PDE7B: variants seen among roughly 807,000 people sequenced by gnomAD.
PDE7B encodes the protein phosphodiesterase 7B, also known as 3',5'-cyclic-AMP phosphodiesterase 7B.
Under a neutral mutation model 56.2 loss-of-function variants are expected in PDE7B, and 29 were observed. The observed-to-expected ratio is 0.52, with a 90% CI of 0.38 to 0.70. PDE7B has a LOEUF of 0.70. Among genes scored for constraint, PDE7B ranks in the 30% least tolerant of loss-of-function variants. The pLI is 0.00. For missense variants in PDE7B, 490 were observed against 565.0 expected (o/e 0.87, Z 1.35); for synonymous variants, 197 against 196.9 (o/e 1.00, Z 0.00).
At position 136,191,556 on chromosome 6, in the gene PDE7B, G is replaced by A; in HGVS notation, c.1127-58G>A. ...GTGGGTCCCCAGTCATGCTCGGGAGGGAGTAAGGAGCGGGTTTCACCACGC... is the reference window on the plus strand; with the variant it reads ...GTGGGTCCCCAGTCATGCTCGGGAGAGAGTAAGGAGCGGGTTTCACCACGC... On this transcript the variant is annotated intron_variant, in intron 12 of 12. Coordinates refer to ENST00000308191, the MANE Select transcript of PDE7B (RefSeq NM_018945.4). 4 of 1,397,620 alleles carry A rather than the reference G, an allele frequency of 2.9e-6. No individual in the cohort carries two copies. In the East Asian group the frequency reaches 9.4e-5, roughly 33 times the overall value. The allele number at this position is 1,397,620 out of a possible 1,614,324, so 86.6% of individuals were successfully genotyped here.
intron 6 of PDE7B, among the ~76,000 whole-genome samples, chr6:136,152,118 AATCT>A (rs1778530654): frequency 6.6e-6 from 1 of 152,168 alleles, no homozygotes; most frequent in Non-Finnish European, 1.5e-5. Context: ...AGGCAGAAAG[AATCT>A]GAGTACAAGT....
rs201710217 is a variant in PDE7B at position 136,004,058 on chromosome 6, C to A, written c.82+56534C>A. 1.6e-3 allele frequency among the ~76,000 whole-genome samples: 243 copies of A among 152,128 alleles called. 1 individual carries two copies. In the East Asian group the frequency reaches 0.028, roughly 17 times the overall value. ...CAAGGCTGGTTCAATATACACAAATCAATAAATGTAATCCAGCATATAAAC... is the reference window on the plus strand; with the variant it reads ...CAAGGCTGGTTCAATATACACAAATAAATAAATGTAATCCAGCATATAAAC... On this transcript the variant is annotated intron_variant, in intron 2 of 12. Transcript: ENST00000308191.
intron 1 of PDE7B, among the ~76,000 whole-genome samples, chr6:135,863,541 G>T (rs1213802286): frequency 6.6e-6 from 1 of 152,036 alleles, no homozygotes; most frequent in Non-Finnish European, 1.5e-5. Context: ...TGACTGGGGG[G>T]AGTGTGATTA....
chr6:136,009,743 T>C (rs1775855245), intron 2 of PDE7B, among the ~76,000 whole-genome samples: 1 of 152,226 alleles, frequency 6.6e-6, no homozygotes, highest in Non-Finnish European at 1.5e-5. Context: ...GCTAAGACGA[T>C]GGGGTTTTCT....
intron 3 of PDE7B, chr6:136,112,713 G>A (rs1313716667): frequency 6.6e-6 from 1 of 151,962 alleles, no homozygotes; most frequent in Non-Finnish European, 1.5e-5. Flanking sequence ...TAAACAGAGA[G>A]GGAACCTCTG....
chr6:135,864,293 T>C (rs894841217), intron 1 of PDE7B, among the ~76,000 whole-genome samples: 1 of 152,154 alleles, frequency 6.6e-6, no homozygotes. Context: ...TGTAAATCTT[T>C]GAATAATTAT....
chr6:135,884,046 T>G (rs1775658363), intron 1 of PDE7B, among the ~76,000 whole-genome samples: 1 of 152,226 alleles, frequency 6.6e-6, no homozygotes, highest in Non-Finnish European at 1.5e-5. Flanking sequence ...TCATGTAAAA[T>G]AATCTCTGAA....
intron 3 of PDE7B, among the ~76,000 whole-genome samples, chr6:136,111,510 C>T (rs999805449): frequency 9.9e-5 from 15 of 152,190 alleles, no homozygotes; most frequent in Non-Finnish European, 1.6e-4. Context: ...TCGCCCTCCA[C>T]GGTTCCTAAC....
chr6:135,973,209 A>G (rs1775124378), intron 2 of PDE7B, among the ~76,000 whole-genome samples: 1 of 152,084 alleles, frequency 6.6e-6, no homozygotes, highest in Non-Finnish European at 1.5e-5. Context: ...TAGATACCGC[A>G]TATAAATGGA....
chr6:135,994,785 C>G (rs1380318230), intron 2 of PDE7B, among the ~76,000 whole-genome samples: 1 of 152,122 alleles, frequency 6.6e-6, no homozygotes, highest in Non-Finnish European at 1.5e-5. Flanking sequence ...ACGTATTAAA[C>G]AATTCGAGAA....
intron 2 of PDE7B, among the ~76,000 whole-genome samples, chr6:135,956,264 TATCTTAGCC>T (rs1280714755): frequency 2.0e-5 from 3 of 152,216 alleles, no homozygotes; most frequent in African/African-American, 7.2e-5. Context: ...GAGAGAATGG[TATCTTAGCC>T]ACCTTAGCCA....
intron 8 of PDE7B, among the ~76,000 whole-genome samples, chr6:136,163,808 A>T (rs1301673105): frequency 6.6e-6 from 1 of 152,250 alleles, no homozygotes; most frequent in Non-Finnish European, 1.5e-5. Flanking sequence ...GCTAAAGCAT[A>T]GCAAGAGTCA....
chr6:136,136,729 T>G (rs1250803600), intron 3 of PDE7B, among the ~76,000 whole-genome samples: 1 of 147,254 alleles, frequency 6.8e-6, no homozygotes, highest in African/African-American at 2.5e-5. Flanking sequence ...AATAAAACAA[T>G]TATAAGAAGT....
intron 1 of PDE7B, among the ~76,000 whole-genome samples, chr6:135,931,363 T>A (rs1459280020): frequency 2.0e-5 from 3 of 152,212 alleles, no homozygotes; most frequent in African/African-American, 7.2e-5. Flanking sequence ...TTTGTATAGA[T>A]GACATTGAGA....
intron 1 of PDE7B, among the ~76,000 whole-genome samples, chr6:135,885,764 A>C (rs529267489): frequency 6.6e-6 from 1 of 152,248 alleles, no homozygotes; most frequent in Non-Finnish European, 1.5e-5. Flanking sequence ...TGTGATGACT[A>C]GAAGAAAGAA....
chr6:135,960,824 G>A (rs921196593), intron 2 of PDE7B, among the ~76,000 whole-genome samples: 1 of 152,156 alleles, frequency 6.6e-6, no homozygotes, highest in Non-Finnish European at 1.5e-5. Flanking sequence ...TGAAATTAAA[G>A]AGTATATTCT....
intron 2 of PDE7B, among the ~76,000 whole-genome samples, chr6:135,956,933 G>A (rs150365712): frequency 2.6e-5 from 4 of 152,188 alleles, no homozygotes; most frequent in African/African-American, 9.6e-5. Context: ...AGTCAGAAAG[G>A]CTGGTGGAGG....
At chr6:136,061,081 C>T (rs1332076295) in intron 2 of PDE7B, among the ~76,000 whole-genome samples, 1 of 151,830 alleles carries the variant, frequency 6.6e-6, no homozygotes, top group African/African-American at 2.4e-5. Flanking sequence ...TTTTATGTTA[C>T]TTTAAAATAA....
At chr6:136,015,298 C>G (rs1775960291) in intron 2 of PDE7B, among the ~76,000 whole-genome samples, 2 of 152,162 alleles carry the variant, frequency 1.3e-5, no homozygotes, top group African/African-American at 4.8e-5. Flanking sequence ...CTTGCGCAGG[C>G]TTACACAATT....
Sources: gnomAD v4.1 joint callset for allele counts (sites outside exome capture counted in the v4.1 genomes callset) on GRCh38, gnomAD v4.1.1 for gene constraint, MANE v1.5 for transcripts, NCBI Gene and HGNC (gene_info 2026-07-23, HGNC 2026-07-21) for gene names.